Variants in ZP3 observed in about 807,000 individuals in gnomAD.
ZP3 encodes the protein zona pellucida glycoprotein 3, also known as zona pellucida sperm-binding protein 3.
In ZP3, 21 loss-of-function variants were observed where a neutral mutation model predicts 35.6. The ratio of observed to expected loss-of-function variants is 0.59; its 90% CI spans 0.42 to 0.85. The LOEUF (loss-of-function observed/expected upper bound fraction) is 0.85. Ranked by LOEUF, ZP3 falls within the 40% of genes least tolerant of loss-of-function variation. The pLI, the probability that ZP3 is intolerant of heterozygous loss-of-function variation, is 0.00. For synonymous variants in ZP3, 207 were observed against 214.5 expected (o/e 0.96, Z 0.31); for missense variants, 437 against 536.5 (o/e 0.81, Z 1.83).
intron 1 of ZP3, among the ~76,000 whole-genome samples, chr7:76,428,416 T>C (rs1805733894): frequency 6.6e-6 from 1 of 152,194 alleles, no homozygotes; most frequent in Non-Finnish European, 1.5e-5. Flanking sequence ...ATACTGATTC[T>C]CAAGAGAATC....
intron 5 of ZP3, among the ~76,000 whole-genome samples, chr7:76,438,538 GAAAAA>G (rs71085417): frequency 2.3e-5 from 2 of 88,558 alleles, no homozygotes; most frequent in African/African-American, 5.4e-5. Context: ...CTCCGTCTCA[GAAAAA>G]AAAAAAAAAA....
chr7:76,401,519 C>T (rs375128483), intron 1 of ZP3, among the ~76,000 whole-genome samples: 4 of 152,066 alleles, frequency 2.6e-5, no homozygotes, highest in East Asian at 1.9e-4. Context: ...GGGGTTCAAG[C>T]GATTCTTCTG....
chr7:76,424,274 G>A (rs971725033), upstream of ZP3, among the ~76,000 whole-genome samples: 14 of 152,092 alleles, frequency 9.2e-5, no homozygotes, highest in Non-Finnish European at 1.9e-4. Context: ...CACCAGGCAG[G>A]CAGCACACTC....
rs1329405897 is a variant in ZP3, at chr7:76,436,053, T to C, written c.831+1898T>C. On this transcript the variant is annotated intron_variant, in intron 5 of 7. Transcript: ENST00000394857. ...CCCTTTTTTTTTTTTTTTTTTTTTT[T>C]TTTTTTTTTTTTTTTTTTTTTTGAG... is the stretch of plus-strand genomic sequence containing the variant. Among the ~76,000 whole-genome samples, 83 of 75,630 alleles carry C rather than the reference T, an allele frequency of 1.1e-3. 1 individual carries two copies. The highest frequency in any genetic ancestry group is 2.3e-3 in the African/African-American group (53 of 22,642). The allele number at this position is 75,630 out of a possible 152,430, so 49.6% of individuals were successfully genotyped here.
At chr7:76,438,484 G>T (rs866457995) in intron 5 of ZP3, among the ~76,000 whole-genome samples, 6 of 149,406 alleles carry the variant, frequency 4.0e-5, no homozygotes, top group Admixed American at 3.3e-4. Context: ...CTTAAACCTC[G>T]GAGGTAGTGG....
Position 76,417,628 on chromosome 7 carries a change from C to T in ZP3, c.-66-7424C>T, listed in dbSNP as rs532125389. ...ATTCTTTTATTCTTTTTTTTTTTTT[C>T]GAGACAAGATCTCACTCTTGTCTCC... On this transcript the variant is annotated intron_variant, in intron 1 of 8. Transcript: ENST00000336517. 1.0e-3 allele frequency among the ~76,000 whole-genome samples: 130 copies of T among 128,286 alleles called. 1 individual carries two copies. Among genetic ancestry groups the T allele is most frequent in the Middle Eastern group, 3.9e-3 (1 of 258 alleles). 84.2% of individuals were successfully genotyped at this position (128,286 alleles called of 152,430 possible). A position where few individuals can be genotyped will look rare whatever the true frequency, so the allele number is the denominator to read the frequency against.
upstream of ZP3, among the ~76,000 whole-genome samples, chr7:76,422,959 T>C (rs1175615480): frequency 6.8e-6 from 1 of 146,228 alleles, no homozygotes; most frequent in Non-Finnish European, 1.5e-5. Context: ...ATAGCACCAC[T>C]GCACTCCAGC....
chr7:76,433,124 T>TGGTTTTGG (rs1554625758), intron 3 of ZP3, 94 bp downstream of exon 3: 14 of 673,592 alleles, frequency 2.1e-5, no homozygotes, highest in East Asian at 1.7e-4. Flanking sequence ...TTTGTTTGGT[T>TGGTTTTGG]TTGGTTTTGG....
intron 1 of ZP3, among the ~76,000 whole-genome samples, chr7:76,402,908 C>T (rs940387500): frequency 6.6e-6 from 1 of 152,198 alleles, no homozygotes; most frequent in Non-Finnish European, 1.5e-5. Flanking sequence ...CTCAGGTGAT[C>T]CATCCGCCTC....
chr7:76,404,809 C>T (rs1020863406), intron 1 of ZP3, among the ~76,000 whole-genome samples: 1 of 152,062 alleles, frequency 6.6e-6, no homozygotes, highest in Middle Eastern at 3.4e-3. Context: ...GTGGCTCATG[C>T]CTGTAATCCC....
intron 1 of ZP3, among the ~76,000 whole-genome samples, chr7:76,427,102 T>TA (rs962156013): frequency 6.6e-6 from 1 of 152,040 alleles, no homozygotes; most frequent in Non-Finnish European, 1.5e-5. Flanking sequence ...TCCAGGCTGC[T>TA]AAAATAGAAA....
At position 76,434,169 on chromosome 7, in the gene ZP3, C is replaced by T; in HGVS notation, c.831+14C>T. 1 of 1,133,856 alleles carries T rather than the reference C, an allele frequency of 8.8e-7. No individual in the cohort carries two copies. The highest frequency in any genetic ancestry group is 1.3e-6 in the Non-Finnish European group (1 of 788,678). 70.2% of individuals were successfully genotyped at this position (1,133,856 alleles called of 1,614,324 possible). A position where few individuals can be genotyped will look rare whatever the true frequency, so the allele number is the denominator to read the frequency against. On this transcript the variant is annotated intron_variant, in intron 5 of 7. Coordinates refer to ENST00000394857, the MANE Select transcript of ZP3 (RefSeq NM_001110354.2). Reference sequence around the variant, plus strand: ...TCCAGAAACATGGTAAGAGCTTTAACAGCCTGAAAGAAGGCTGAACTTGCA... The same window carrying T: ...TCCAGAAACATGGTAAGAGCTTTAATAGCCTGAAAGAAGGCTGAACTTGCA...
intron 5 of ZP3, 184 bp from the exon 6 acceptor site, chr7:76,440,066 C>G: frequency 9.6e-7 from 1 of 1,037,414 alleles, no homozygotes; most frequent in Non-Finnish European, 1.4e-6. Flanking sequence ...AGGTTGGTCT[C>G]GAACTCCTGA....
intron 1 of ZP3, among the ~76,000 whole-genome samples, chr7:76,426,069 C>A (rs1316931687): frequency 7.1e-6 from 1 of 140,886 alleles, no homozygotes; most frequent in Non-Finnish European, 1.5e-5. Flanking sequence ...GGCAACAGAG[C>A]GAGACTCTGG....
intron 1 of ZP3, chr7:76,398,826 G>A: frequency 6.2e-7 from 1 of 1,608,084 alleles, no homozygotes; most frequent in East Asian, 2.2e-5. Context: ...GGATACAGGG[G>A]TCTTTCTGTT....
rs763465544 is a variant in ZP3 at position 76,418,719 on chromosome 7, G to A, written c.-66-6333G>A. 8.6e-5 allele frequency among the ~76,000 whole-genome samples: 13 copies of A among 151,950 alleles called. 1 individual carries two copies. Among genetic ancestry groups the A allele is most frequent in the East Asian group, 1.9e-4 (1 of 5,168 alleles). On this transcript the variant is annotated intron_variant, in intron 1 of 8. Transcript: ENST00000336517. ...AAAATACAAAAAATTAGCCGGGCGT[G>A]GTGGCAGGCGCCTATAGTCCCAGCT...
At position 76,425,225 on chromosome 7, in the gene ZP3, A is replaced by C. The variant is rs1805615608; in HGVS notation, c.261A>C (p.Glu87Asp). 1 of 1,613,584 alleles carries C rather than the reference A, an allele frequency of 6.2e-7. No homozygotes were observed. Among genetic ancestry groups the C allele is most frequent in the Admixed American group, 1.7e-5 (1 of 59,988 alleles). Residue 87 changes from glutamate to aspartate, a missense_variant, in exon 1 of 8, where the codon GAA becomes GAC. Transcript: ENST00000394857. ...AGCCTCTGGTCTCCATGGACACAGAAGATGTGGTCAGGTTTGAGGTTGGAC... is the reference window on the plus strand; with the variant it reads ...AGCCTCTGGTCTCCATGGACACAGACGATGTGGTCAGGTTTGAGGTTGGAC... Reference protein sequence around the residue: ...ACEPLVSMDTEDVVRFEVGLH... With the variant: ...ACEPLVSMDTDDVVRFEVGLH...
At chr7:76,424,028 C>A (rs898711606), upstream of ZP3, among the ~76,000 whole-genome samples, 8 of 152,100 alleles carry the variant, frequency 5.3e-5, no homozygotes, top group African/African-American at 1.9e-4. Context: ...CCCCCGGCCT[C>A]CCATAAAATA....
intron 1 of ZP3, chr7:76,400,236 G>A: frequency 2.1e-6 from 3 of 1,428,126 alleles, no homozygotes; most frequent in Non-Finnish European, 1.8e-6. Context: ...CTACAGCCCT[G>A]CTGCCTGCCA....
Sources: gnomAD v4.1 joint callset for allele counts (sites outside exome capture counted in the v4.1 genomes callset) on GRCh38, gnomAD v4.1.1 for gene constraint, MANE v1.5 for transcripts, NCBI Gene and HGNC (gene_info 2026-07-23, HGNC 2026-07-21) for gene names.